NREP: variants seen among roughly 807,000 people sequenced by gnomAD.
NREP encodes neuronal regeneration related protein, also known as neuronal regeneration-related protein.
In NREP, 5 loss-of-function variants were observed where a neutral mutation model predicts 8.6. The observed-to-expected ratio is 0.58, with a 90% CI of 0.30 to 1.22. The LOEUF (loss-of-function observed/expected upper bound fraction) is 1.22, where lower values mean the gene tolerates loss of function less well. Ranked by LOEUF, NREP falls within the 50% of genes most tolerant of loss-of-function variation. NREP has a pLI of 0.07. For missense variants in NREP, 86 were observed against 82.5 expected (o/e 1.04, Z -0.17); for synonymous variants, 27 against 28.0 (o/e 0.96, Z 0.11).
chr5:111,909,315 C>T (rs909052624), intron 2 of NREP, among the ~76,000 whole-genome samples: 3 of 152,006 alleles, frequency 2.0e-5, no homozygotes, highest in Admixed American at 2.0e-4. Flanking sequence ...GAACTTAGAG[C>T]TTAGCATCTT....
chr5:111,941,787 G>T (rs6881837), intron 2 of NREP, among the ~76,000 whole-genome samples: 81,483 of 151,842 alleles, frequency 0.54, 22,977 homozygotes, highest in African/African-American at 0.69. Context: ...AAAACCAATT[G>T]AGAGGCTGAC....
intron 2 of NREP, among the ~76,000 whole-genome samples, chr5:111,866,830 T>G (rs1363114833): frequency 2.6e-5 from 4 of 151,880 alleles, no homozygotes; most frequent in Non-Finnish European, 4.4e-5. Flanking sequence ...AAATGATGAG[T>G]TCATGTCCTT....
chr5:111,907,075 G>A (rs890648861), intron 2 of NREP, among the ~76,000 whole-genome samples: 1 of 151,916 alleles, frequency 6.6e-6, no homozygotes, highest in South Asian at 2.1e-4. Flanking sequence ...CAGCCTCTCT[G>A]TATACTTTGG....
intron 2 of NREP, among the ~76,000 whole-genome samples, chr5:111,876,881 A>G (rs1753923053): frequency 6.6e-6 from 1 of 152,240 alleles, no homozygotes; most frequent in African/African-American, 2.4e-5. Flanking sequence ...AAATTGGGGC[A>G]CAGAAAAGTT....
At chr5:111,778,946 A>G (rs1016601952) in intron 2 of NREP, among the ~76,000 whole-genome samples, 3 of 152,112 alleles carry the variant, frequency 2.0e-5, no homozygotes, top group African/African-American at 7.2e-5. Flanking sequence ...TATTTTTTTA[A>G]TGGTCCTCGA....
intron 2 of NREP, among the ~76,000 whole-genome samples, chr5:111,745,062 T>A (rs1054644019): frequency 1.3e-5 from 2 of 152,134 alleles, no homozygotes; most frequent in African/African-American, 4.8e-5. Flanking sequence ...AAATGCATAG[T>A]ACAATCCACT....
At chr5:111,831,094 C>G (rs1373139038) in intron 2 of NREP, among the ~76,000 whole-genome samples, 1 of 152,180 alleles carries the variant, frequency 6.6e-6, no homozygotes, top group African/African-American at 2.4e-5. Context: ...CTACAAGCTA[C>G]AAGTCTGTGT....
At chr5:111,921,262 G>T (rs1416911191) in intron 2 of NREP, among the ~76,000 whole-genome samples, 1 of 152,080 alleles carries the variant, frequency 6.6e-6, no homozygotes, top group Non-Finnish European at 1.5e-5. Flanking sequence ...TGGTCGTTGA[G>T]TGGGGAAACA....
At chr5:111,773,465 T>G (rs1432906639) in intron 2 of NREP, among the ~76,000 whole-genome samples, 4 of 152,186 alleles carry the variant, frequency 2.6e-5, no homozygotes, top group Non-Finnish European at 4.4e-5. Flanking sequence ...CAAAATCTCT[T>G]TGCTCAAGAA....
chr5:111,838,210 CT>C (rs1752941981), intron 2 of NREP, among the ~76,000 whole-genome samples: 1 of 152,110 alleles, frequency 6.6e-6, no homozygotes, highest in Non-Finnish European at 1.5e-5. Context: ...ACACTATATT[CT>C]TTTTATTTGC....
At chr5:111,897,080 C>A (rs1581200573) in intron 2 of NREP, among the ~76,000 whole-genome samples, 1 of 152,078 alleles carries the variant, frequency 6.6e-6, no homozygotes, top group East Asian at 1.9e-4. Context: ...CCAGCATAGA[C>A]TACTGTTAAT....
At chr5:111,861,428 C>T (rs1030615143) in intron 2 of NREP, among the ~76,000 whole-genome samples, 1 of 152,160 alleles carries the variant, frequency 6.6e-6, no homozygotes, top group African/African-American at 2.4e-5. Context: ...AAAGACTCAA[C>T]ATCATGTTTT....
At chr5:111,913,823 G>A (rs1446950651) in intron 2 of NREP, among the ~76,000 whole-genome samples, 1 of 152,078 alleles carries the variant, frequency 6.6e-6, no homozygotes, top group Non-Finnish European at 1.5e-5. Context: ...GAGAGGATAA[G>A]AGAAGTAGAA....
chr5:111,805,618 A>G (rs1001168665), intron 2 of NREP, among the ~76,000 whole-genome samples: 10 of 152,240 alleles, frequency 6.6e-5, no homozygotes, highest in Non-Finnish European at 1.3e-4. Context: ...GTGTGCTTAT[A>G]TATACATCCT....
intron 2 of NREP, among the ~76,000 whole-genome samples, chr5:111,821,916 ATAT>A (rs1752522626): frequency 6.6e-6 from 1 of 152,172 alleles, no homozygotes. Flanking sequence ...TGTTGCAGTA[ATAT>A]TACGTAGAAT....
intron 2 of NREP, among the ~76,000 whole-genome samples, chr5:111,861,412 C>T (rs1753540811): frequency 6.6e-6 from 1 of 152,168 alleles, no homozygotes; most frequent in African/African-American, 2.4e-5. Flanking sequence ...CTGATGCCAT[C>T]CACCTAAAGA....
At chr5:111,809,890 TG>T (rs1752232991) in intron 2 of NREP, among the ~76,000 whole-genome samples, 1 of 149,720 alleles carries the variant, frequency 6.7e-6, no homozygotes, top group Non-Finnish European at 1.5e-5. Flanking sequence ...TGTGTGTGTG[TG>T]TGTGTGTGTG....
At chr5:111,854,250 T>C (rs777609338) in intron 2 of NREP, among the ~76,000 whole-genome samples, 69 of 152,204 alleles carry the variant, frequency 4.5e-4, no homozygotes, top group Non-Finnish European at 1.2e-4. Context: ...GGCCACAAGC[T>C]TTTTAATTTG....
intron 2 of NREP, among the ~76,000 whole-genome samples, chr5:111,812,426 T>C (rs1467709078): frequency 1.3e-5 from 2 of 152,178 alleles, no homozygotes; most frequent in African/African-American, 2.4e-5. Context: ...ATTTTAAGAT[T>C]GTAGGTATCC....
Sources: gnomAD v4.1 joint callset for allele counts (sites outside exome capture counted in the v4.1 genomes callset) on GRCh38, gnomAD v4.1.1 for gene constraint, MANE v1.5 for transcripts, NCBI Gene and HGNC (gene_info 2026-07-23, HGNC 2026-07-21) for gene names.